Variants in TRPM3 observed in about 807,000 individuals in gnomAD.
TRPM3 encodes the protein long transient receptor potential channel 3.
A neutral mutation model predicts 181.2 loss-of-function variants in TRPM3; 77 were observed. The ratio of observed to expected loss-of-function variants is 0.42; its 90% CI spans 0.35 to 0.51. The LOEUF is 0.51. TRPM3 is among the 20% of genes least tolerant of loss of function. The probability of loss-of-function intolerance (pLI) is 0.01; values close to 1 mark genes in which losing one functional copy is unlikely to be tolerated. For synonymous variants in TRPM3, 745 were observed against 796.4 expected, an observed-to-expected ratio of 0.94 and a Z score of 1.09; for missense variants, 1,759 against 2,196.7, an observed-to-expected ratio of 0.80 and a Z score of 3.98.
intron 1 of TRPM3, among the ~76,000 whole-genome samples, chr9:70,869,608 A>T (rs2095744694): frequency 6.6e-6 from 1 of 152,026 alleles, no homozygotes; most frequent in South Asian, 2.1e-4. Context: ...GCCTAAGAAG[A>T]ATGAAGTTGG....
chr9:71,414,442 T>C (rs968517889), intron 1 of TRPM3, among the ~76,000 whole-genome samples: 1 of 152,106 alleles, frequency 6.6e-6, no homozygotes, highest in Non-Finnish European at 1.5e-5. Flanking sequence ...ATAGATGTGA[T>C]AGAGAACTAA....
At chr9:71,115,587 G>T (rs1222004100) in intron 1 of TRPM3, among the ~76,000 whole-genome samples, 13 of 152,186 alleles carry the variant, frequency 8.5e-5, no homozygotes, top group Admixed American at 8.5e-4. Flanking sequence ...CTGCTGGGTA[G>T]GCAGAGTCCT....
At chr9:71,313,788 T>A (rs1024227819) in intron 1 of TRPM3, among the ~76,000 whole-genome samples, 23 of 152,278 alleles carry the variant, frequency 1.5e-4, no homozygotes, top group Admixed American at 1.2e-3. Flanking sequence ...TTGAAAATAC[T>A]GAAACTCTTT....
chr9:71,010,353 GA>G (rs2097722778), intron 1 of TRPM3, among the ~76,000 whole-genome samples: 1 of 151,884 alleles, frequency 6.6e-6, no homozygotes, highest in Non-Finnish European at 1.5e-5. Flanking sequence ...TTAATATCCA[GA>G]ATATATAAGA....
intron 1 of TRPM3, among the ~76,000 whole-genome samples, chr9:71,191,707 AAAAT>A (rs1193705745): frequency 6.6e-6 from 1 of 151,730 alleles, no homozygotes; most frequent in Non-Finnish European, 1.5e-5. Context: ...AGTTCTTTTT[AAAAT>A]ATAAACATTT....
In TRPM3 at chr9:71,224,694, C is replaced by G. The variant is rs554110600; in HGVS notation, c.183+221959G>C. 2.7e-5 allele frequency among the ~76,000 whole-genome samples: 4 copies of G among 150,648 alleles called. No homozygotes were observed. The South Asian group carries it at 8.4e-4, about 32-fold the overall frequency. On this transcript the variant is annotated intron_variant, in intron 1 of 24. Coordinates refer to the TRPM3 transcript ENST00000357533. ...TCAGAATCCTATCAGATATATGTAA[C>G]AAGAAAATTGAAGTAATTAAAAAGA... is the stretch of plus-strand genomic sequence containing the variant.
intron 1 of TRPM3, among the ~76,000 whole-genome samples, chr9:70,981,239 T>C (rs1019283674): frequency 2.0e-5 from 3 of 152,226 alleles, no homozygotes; most frequent in African/African-American, 7.2e-5. Context: ...TGTTGATTTC[T>C]TCTGCAGTTT....
At chr9:71,025,599 A>G (rs1319518185) in intron 1 of TRPM3, among the ~76,000 whole-genome samples, 1 of 152,256 alleles carries the variant, frequency 6.6e-6, no homozygotes, top group Non-Finnish European at 1.5e-5. Flanking sequence ...CACTGTTGGT[A>G]CAATATACAC....
intron 1 of TRPM3, among the ~76,000 whole-genome samples, chr9:70,870,449 A>G (rs909265429): frequency 1.3e-5 from 2 of 152,086 alleles, no homozygotes; most frequent in African/African-American, 2.4e-5. Context: ...GCCTGTCTTC[A>G]GGAGTTGGCT....
At chr9:70,582,738 G>A (rs1469972249) in intron 22 of TRPM3, among the ~76,000 whole-genome samples, 1 of 152,170 alleles carries the variant, frequency 6.6e-6, no homozygotes, top group Non-Finnish European at 1.5e-5. Flanking sequence ...AGATCTAGAT[G>A]AGTACCATCA....
chr9:70,947,568 CT>C (rs1342136912), intron 1 of TRPM3, among the ~76,000 whole-genome samples: 1 of 152,040 alleles, frequency 6.6e-6, no homozygotes, highest in Non-Finnish European at 1.5e-5. Flanking sequence ...TTTGCTCTTC[CT>C]TTTGTTGTTA....
At chr9:71,389,193 AAG>A (rs2092999543) in intron 1 of TRPM3, among the ~76,000 whole-genome samples, 1 of 152,132 alleles carries the variant, frequency 6.6e-6, no homozygotes, top group Non-Finnish European at 1.5e-5. Flanking sequence ...CAATTCTCAA[AAG>A]AAGATAAACA....
chr9:71,390,553 G>T (rs1198551473), intron 1 of TRPM3, among the ~76,000 whole-genome samples: 1 of 151,876 alleles, frequency 6.6e-6, no homozygotes, highest in African/African-American at 2.4e-5. Flanking sequence ...CTTCTTTTAG[G>T]TAGTTTATAG....
intron 1 of TRPM3, among the ~76,000 whole-genome samples, chr9:70,993,690 G>C (rs1374612969): frequency 6.6e-6 from 1 of 151,158 alleles, no homozygotes. Context: ...GATTATCTGT[G>C]GAAGGAGCAC....
chr9:70,827,001 A>G (rs532189019), intron 6 of TRPM3: 1 of 152,224 alleles, frequency 6.6e-6, no homozygotes, highest in East Asian at 1.9e-4. Context: ...TCACAGTTAA[A>G]ACAAATGTTT....
At chr9:71,439,847 G>A (rs1327458825) in intron 1 of TRPM3, among the ~76,000 whole-genome samples, 1 of 152,014 alleles carries the variant, frequency 6.6e-6, no homozygotes, top group African/African-American at 2.4e-5. Context: ...TAGGCTGGGC[G>A]CAGTGGCTCA....
chr9:70,914,527 G>A (rs1285204651), intron 1 of TRPM3, among the ~76,000 whole-genome samples: 2 of 152,326 alleles, frequency 1.3e-5, no homozygotes, highest in Non-Finnish European at 2.9e-5. Flanking sequence ...CAGAACAGAC[G>A]TGTAGTGTGA....
chr9:70,632,204 C>A (rs1406029645), intron 12 of TRPM3, among the ~76,000 whole-genome samples: 1 of 152,094 alleles, frequency 6.6e-6, no homozygotes, highest in Admixed American at 6.5e-5. Context: ...CTTTGATTAT[C>A]CTATTGGCCT....
At chr9:70,765,942 G>A (rs4745038) in intron 7 of TRPM3, among the ~76,000 whole-genome samples, 2 of 152,084 alleles carry the variant, frequency 1.3e-5, no homozygotes, top group Admixed American at 1.3e-4. Flanking sequence ...TACGGTCATA[G>A]TATTATGTGA....
Sources: allele counts gnomAD v4.1 joint callset (sites outside exome capture counted in the v4.1 genomes callset), GRCh38; gene constraint gnomAD v4.1.1; transcripts MANE v1.5; gene names NCBI Gene and HGNC (gene_info 2026-07-23, HGNC 2026-07-21).